The following RPS6KA5 variants were observed in gnomAD, a reference collection of about 807,000 sequenced individuals.
RPS6KA5 encodes ribosomal protein S6 kinase alpha-5.
In RPS6KA5, 27 loss-of-function variants were observed where a neutral mutation model predicts 85.5. That is an observed-to-expected ratio of 0.32 (90% CI 0.23 to 0.44). The LOEUF (loss-of-function observed/expected upper bound fraction) is 0.44, where lower values mean the gene tolerates loss of function less well. Ranked by LOEUF, RPS6KA5 falls within the 20% of genes least tolerant of loss-of-function variation. The probability of loss-of-function intolerance (pLI) is 1.00; values close to 1 mark genes in which losing one functional copy is unlikely to be tolerated. For missense variants in RPS6KA5, 811 were observed against 980.9 expected, an observed-to-expected ratio of 0.83 and a Z score of 2.31; for synonymous variants, 334 against 348.2, an observed-to-expected ratio of 0.96 and a Z score of 0.46.
chr14:90,936,314 C>G (rs1236567231), intron 5 of RPS6KA5, among the ~76,000 whole-genome samples: 1 of 152,104 alleles, frequency 6.6e-6, no homozygotes, highest in African/African-American at 2.4e-5. Context: ...TGCCTATAAT[C>G]CCAGCACTTT....
chr14:90,988,474 A>ACTAAGATAGGAATGTTAAC (rs1721187451), intron 2 of RPS6KA5, among the ~76,000 whole-genome samples: 1 of 152,212 alleles, frequency 6.6e-6, no homozygotes, highest in African/African-American at 2.4e-5. Flanking sequence ...GTTAACCTAT[A>ACTAAGATAGGAATGTTAAC]CTACACTAAG....
At chr14:90,941,003 C>T (rs576155294) in intron 5 of RPS6KA5, among the ~76,000 whole-genome samples, 1 of 152,286 alleles carries the variant, frequency 6.6e-6, no homozygotes, top group East Asian at 1.9e-4. Context: ...TTGGGGACTG[C>T]TGATCTAGCA....
chr14:91,047,730 A>T (rs1372754161), intron 1 of RPS6KA5, among the ~76,000 whole-genome samples: 1 of 152,210 alleles, frequency 6.6e-6, no homozygotes, highest in Non-Finnish European at 1.5e-5. Flanking sequence ...CAAAAGTCTG[A>T]AACTGGATCT....
At chr14:90,970,724 A>C (rs2039279920) in intron 3 of RPS6KA5, among the ~76,000 whole-genome samples, 1 of 152,200 alleles carries the variant, frequency 6.6e-6, no homozygotes, top group Admixed American at 6.5e-5. Context: ...GAGAGAGAGA[A>C]CAGATAAAAA....
chr14:91,052,722 A>ACTT, intron 1 of RPS6KA5, among the ~76,000 whole-genome samples: 1 of 151,422 alleles, frequency 6.6e-6, no homozygotes, highest in East Asian at 2.0e-4. Context: ...AGTCCCAGCT[A>ACTT]CTTGGGAGGC....
At chr14:90,946,346 C>T (rs560174918) in intron 4 of RPS6KA5, among the ~76,000 whole-genome samples, 31 of 152,024 alleles carry the variant, frequency 2.0e-4, no homozygotes, top group African/African-American at 7.0e-4. Context: ...TGTTCTCACA[C>T]GTTTTTCATT....
Position 90,977,049 on chromosome 14 carries a change from C to T in RPS6KA5, c.394+1257G>A, listed in dbSNP as rs1436748557. Among the ~76,000 whole-genome samples, 9 of 152,208 alleles carry T rather than the reference C, an allele frequency of 5.9e-5. No individual in the cohort carries two copies. In the South Asian group the frequency reaches 1.4e-3, roughly 25 times the overall value. On this transcript the variant is annotated intron_variant, in intron 3 of 16. Transcript: ENST00000614987. ...CCAATCTTCAAGCATACACAAGATA[C>T]GTAACTTCAGGACATACAGCTTCCA...
intron 3 of RPS6KA5, among the ~76,000 whole-genome samples, chr14:90,970,805 G>A (rs970961102): frequency 6.6e-6 from 1 of 151,818 alleles, no homozygotes; most frequent in Non-Finnish European, 1.5e-5. Flanking sequence ...TGATCTCCAC[G>A]TTACAAGATT....
At chr14:90,891,310 A>G (rs3783835) in intron 13 of RPS6KA5, among the ~76,000 whole-genome samples, 30,691 of 150,406 alleles carry the variant, frequency 0.2, 3,307 homozygotes, top group East Asian at 0.33. Context: ...TGGTAGAGAC[A>G]CCCATTACAT....
intron 3 of RPS6KA5, among the ~76,000 whole-genome samples, chr14:90,964,095 G>A (rs1253833529): frequency 6.6e-6 from 1 of 152,072 alleles, no homozygotes; most frequent in Non-Finnish European, 1.5e-5. Context: ...AAAACGGACT[G>A]GAAAGGATTG....
rs192271930 is a variant in RPS6KA5, at chr14:91,050,676, G to A, written c.103+9656C>T. On this transcript the variant is annotated intron_variant, in intron 1 of 16. Coordinates refer to ENST00000614987, the MANE Select transcript of RPS6KA5 (RefSeq NM_004755.4). ...ACTCCCGACCCCAGGTGATACACCCGCCTCAGCCTCCCAAAGTGCTGGGAT... is the reference window on the plus strand; with the variant it reads ...ACTCCCGACCCCAGGTGATACACCCACCTCAGCCTCCCAAAGTGCTGGGAT... Among the ~76,000 whole-genome samples the A allele has an allele frequency of 1.9e-4, 29 of 152,190 alleles. No individual in the cohort carries two copies. The East Asian group carries it at 2.7e-3, about 14-fold the overall frequency.
intron 7 of RPS6KA5, among the ~76,000 whole-genome samples, chr14:90,906,874 A>AT (rs1170103160): frequency 1.3e-5 from 2 of 151,984 alleles, no homozygotes; most frequent in Non-Finnish European, 2.9e-5. Flanking sequence ...ACAGCTGGGG[A>AT]TTTTCATGGG....
chr14:90,915,827 A>AAATG (rs1319092998), intron 7 of RPS6KA5, among the ~76,000 whole-genome samples: 1 of 151,700 alleles, frequency 6.6e-6, no homozygotes, highest in African/African-American at 2.4e-5. Context: ...ATAAATAAAT[A>AAATG]AATAAAATAA....
chr14:91,056,867 CTTTTTTTTTTT>C (rs34807092), intron 1 of RPS6KA5, among the ~76,000 whole-genome samples: 92 of 38,872 alleles, frequency 2.4e-3, no homozygotes, highest in African/African-American at 8.2e-3. Flanking sequence ...GCAGTATTAT[CTTTTTTTTTTT>C]TTTTTTTTTT....
chr14:90,917,396 T>A (rs1367941300), intron 7 of RPS6KA5, among the ~76,000 whole-genome samples: 4 of 152,164 alleles, frequency 2.6e-5, no homozygotes, highest in Non-Finnish European at 5.9e-5. Flanking sequence ...AATTCCCACA[T>A]ACAAAGTATA....
intron 5 of RPS6KA5, among the ~76,000 whole-genome samples, chr14:90,941,440 G>A (rs1455666840): frequency 3.3e-5 from 5 of 152,168 alleles, no homozygotes; most frequent in African/African-American, 4.8e-5. Context: ...AAGCCGCCGA[G>A]GGAGTTTGCA....
rs1282987029 is a variant in RPS6KA5, at chr14:90,894,721, C to G, written c.1474-138G>C. 3 of 1,073,942 alleles carry G rather than the reference C, an allele frequency of 2.8e-6. No individual in the cohort carries two copies. In the African/African-American group the frequency reaches 4.8e-5, roughly 17 times the overall value. 66.5% of individuals were successfully genotyped at this position (1,073,942 alleles called of 1,614,324 possible). ...AAATAATCAATGGCAATCCTCATAT[C>G]TTAGAGAAAAGGGCTGAAAGATAAT... On this transcript the variant is annotated intron_variant, in intron 12 of 16. Coordinates refer to ENST00000614987, the MANE Select transcript of RPS6KA5 (RefSeq NM_004755.4).
intron 1 of RPS6KA5, among the ~76,000 whole-genome samples, chr14:91,009,134 C>T (rs2041154074): frequency 6.6e-6 from 1 of 152,174 alleles, no homozygotes; most frequent in Admixed American, 6.5e-5. Context: ...GAATGTTTCT[C>T]CTCAAAATTG....
At chr14:90,925,959 A>AG (rs2036643001) in intron 5 of RPS6KA5, among the ~76,000 whole-genome samples, 1 of 150,592 alleles carries the variant, frequency 6.6e-6, no homozygotes, top group African/African-American at 2.4e-5. Flanking sequence ...AAAAAAAAAA[A>AG]AAAGAAAAGA....
Sources: allele counts gnomAD v4.1 joint callset (sites outside exome capture counted in the v4.1 genomes callset), GRCh38; gene constraint gnomAD v4.1.1; transcripts MANE v1.5; gene names NCBI Gene and HGNC (gene_info 2026-07-23, HGNC 2026-07-21).